CUX1: variants seen among roughly 807,000 people sequenced by gnomAD.
CUX1 encodes the protein cut like homeobox 1.
In CUX1, 31 loss-of-function variants were observed where a neutral mutation model predicts 158.8. The observed-to-expected ratio is 0.20, with a 90% confidence interval of 0.15 to 0.26. The LOEUF is 0.26. Ranked by LOEUF, CUX1 falls within the 10% of genes least tolerant of loss-of-function variation. The pLI is 1.00. For synonymous variants in CUX1, 879 were observed against 862.1 expected, an observed-to-expected ratio of 1.02 and a Z score of -0.34; for missense variants, 1,589 against 2,014.6, an observed-to-expected ratio of 0.79 and a Z score of 4.04.
At chr7:101,895,209 C>T (rs760497281) in intron 1 of CUX1, among the ~76,000 whole-genome samples, 6 of 151,828 alleles carry the variant, frequency 4.0e-5, no homozygotes, top group Non-Finnish European at 8.8e-5. Flanking sequence ...TTAGTAGAGA[C>T]GGGGTTTCGC....
intron 3 of CUX1, among the ~76,000 whole-genome samples, chr7:102,054,696 A>T (rs1823925556): frequency 6.6e-6 from 1 of 152,210 alleles, no homozygotes; most frequent in African/African-American, 2.4e-5. Context: ...GTCTAGGCAC[A>T]GGGGCTCTTG....
chr7:102,282,678 G>C (rs199802205), intron 21 of CUX1: 3 of 1,607,270 alleles, frequency 1.9e-6, no homozygotes, highest in Non-Finnish European at 2.6e-6. Context: ...GCCTTGAGGC[G>C]AACGGGCAGC....
At chr7:101,902,879 C>A (rs1455699878) in intron 1 of CUX1, among the ~76,000 whole-genome samples, 1 of 152,192 alleles carries the variant, frequency 6.6e-6, no homozygotes, top group Non-Finnish European at 1.5e-5. Flanking sequence ...TCCCGAGTAG[C>A]TGGGACTACA....
chr7:102,120,077 G>A (rs931163361), intron 8 of CUX1, among the ~76,000 whole-genome samples: 1 of 152,172 alleles, frequency 6.6e-6, no homozygotes, highest in Non-Finnish European at 1.5e-5. Context: ...CCAGAGAGAG[G>A]CCTGGGCATC....
intron 4 of CUX1, among the ~76,000 whole-genome samples, chr7:102,092,932 AG>A (rs1563230450): frequency 0.037 from 2,896 of 77,742 alleles, 176 homozygotes; most frequent in African/African-American, 0.1. Context: ...AAAAAAAAAA[AG>A]AAAGAAAGAA....
At chr7:101,936,516 C>G (rs1181638932) in intron 2 of CUX1, among the ~76,000 whole-genome samples, 1 of 152,150 alleles carries the variant, frequency 6.6e-6, no homozygotes, top group East Asian at 1.9e-4. Context: ...GCAGGATCCC[C>G]TGGGAGTTTT....
chr7:101,940,736 T>C (rs968853544), intron 2 of CUX1, among the ~76,000 whole-genome samples: 1 of 152,146 alleles, frequency 6.6e-6, no homozygotes, highest in African/African-American at 2.4e-5. Flanking sequence ...GGCACGTTAT[T>C]GATCAGTCCA....
intron 2 of CUX1, among the ~76,000 whole-genome samples, chr7:101,979,215 G>T (rs996742807): frequency 6.6e-6 from 1 of 152,178 alleles, no homozygotes; most frequent in African/African-American, 2.4e-5. Context: ...CTGTGATGCT[G>T]GGAAAGGATT....
At chr7:101,982,055 G>A (rs567849718) in intron 2 of CUX1, among the ~76,000 whole-genome samples, 1 of 152,370 alleles carries the variant, frequency 6.6e-6, no homozygotes, top group African/African-American at 2.4e-5. Context: ...CCAAACCCAT[G>A]AGGTTGTCCA....
intron 8 of CUX1, among the ~76,000 whole-genome samples, chr7:102,127,825 T>C (rs1832811918): frequency 7.4e-6 from 1 of 134,498 alleles, no homozygotes; most frequent in Admixed American, 7.6e-5. Context: ...GGCATCTTTT[T>C]CGTGTTTTTT....
chr7:101,941,983 A>T (rs530510536), intron 2 of CUX1, among the ~76,000 whole-genome samples: 1 of 152,182 alleles, frequency 6.6e-6, no homozygotes, highest in Admixed American at 6.5e-5. Flanking sequence ...TGGAGGTGAA[A>T]CTGCAACGTT....
chr7:102,023,401 CT>C (rs1819610450), intron 2 of CUX1, among the ~76,000 whole-genome samples: 1 of 152,146 alleles, frequency 6.6e-6, no homozygotes, highest in South Asian at 2.1e-4. Flanking sequence ...GCAAAGAGTG[CT>C]GTGTTCTAGA....
At chr7:102,187,302 C>G (rs1181380408) in intron 11 of CUX1, among the ~76,000 whole-genome samples, 1 of 151,960 alleles carries the variant, frequency 6.6e-6, no homozygotes, top group Non-Finnish European at 1.5e-5. Flanking sequence ...CAAGACCAGC[C>G]TGGGCAACAT....
chr7:102,066,002 G>C (rs1180932547), intron 3 of CUX1, among the ~76,000 whole-genome samples: 1 of 152,120 alleles, frequency 6.6e-6, no homozygotes, highest in Non-Finnish European at 1.5e-5. Context: ...TGTTGACCAG[G>C]CTGGTCTGCA....
chr7:101,958,600 C>T (rs147793765), intron 2 of CUX1, among the ~76,000 whole-genome samples: 3 of 150,434 alleles, frequency 2.0e-5, no homozygotes, highest in Admixed American at 6.7e-5. Flanking sequence ...TCTTCCTCGG[C>T]CCCTCAAGTA....
Position 101,931,605 on chromosome 7 carries a change from G to A in CUX1, c.141+15380G>A, listed in dbSNP as rs571901628. Among the ~76,000 whole-genome samples the A allele has an allele frequency of 9.3e-4, 141 of 152,116 alleles. 1 individual carries two copies. Among genetic ancestry groups the A allele is most frequent in the African/African-American group, 3.3e-3 (135 of 41,506 alleles). On this transcript the variant is annotated intron_variant, in intron 2 of 23. Coordinates refer to ENST00000292535, the MANE Select transcript of CUX1 (RefSeq NM_181552.4). ...TTTTGAGACAGAGTCTCACTCTGTC[G>A]CCCAGGCTGGAGTGCAATGGCACAA...
chr7:101,865,640 G>T (rs1334501774), intron 1 of CUX1, among the ~76,000 whole-genome samples: 1 of 152,324 alleles, frequency 6.6e-6, no homozygotes, highest in South Asian at 2.1e-4. Flanking sequence ...TCATTCTTAC[G>T]CAGTTGGTAG....
chr7:102,210,332 G>A (rs937614058), intron 20 of CUX1, among the ~76,000 whole-genome samples: 2 of 152,086 alleles, frequency 1.3e-5, no homozygotes, highest in African/African-American at 2.4e-5. Flanking sequence ...CCTGACCTCG[G>A]GTGATCCTCC....
chr7:102,219,055 A>AAGACACACACACAC (rs1335700833), intron 20 of CUX1, among the ~76,000 whole-genome samples: 1 of 126,248 alleles, frequency 7.9e-6, no homozygotes, highest in African/African-American at 3.0e-5. Context: ...CCTGCCTCAA[A>AAGACACACACACAC]ACACACACAC....
Sources: allele counts gnomAD v4.1 joint callset (sites outside exome capture counted in the v4.1 genomes callset), GRCh38; gene constraint gnomAD v4.1.1; transcripts MANE v1.5; gene names NCBI Gene and HGNC (gene_info 2026-07-23, HGNC 2026-07-21).